The following AKR1C8 variants were observed in gnomAD, a reference collection of about 807,000 sequenced individuals.
AKR1C8 encodes the protein aldo-keto reductase family 1 member C-like protein 1.
At chr10:5,137,278 C>T in the AKR1C8 span, among the ~76,000 whole-genome samples, 5 of 151,984 alleles carry the variant, frequency 3.3e-5, no homozygotes, top group Admixed American at 2.6e-4. Flanking sequence ...GATACCAAAG[C>T]CTGGCAGAGA....
the AKR1C8 span, among the ~76,000 whole-genome samples, chr10:5,121,568 C>T: frequency 4.6e-5 from 7 of 151,928 alleles, no homozygotes; most frequent in East Asian, 1.2e-3. Context: ...AGGAGAAATG[C>T]CACTGGACTC....
the AKR1C8 span, among the ~76,000 whole-genome samples, chr10:5,150,356 T>C: frequency 4.6e-5 from 7 of 152,146 alleles, no homozygotes; most frequent in African/African-American, 1.7e-4. Flanking sequence ...GACAAAGGAA[T>C]ATTTTATGCC....
the AKR1C8 span, among the ~76,000 whole-genome samples, chr10:5,183,225 C>G: frequency 6.6e-6 from 1 of 152,008 alleles, no homozygotes; most frequent in Non-Finnish European, 1.5e-5. Context: ...GAACAATATT[C>G]TAGTTCTGAA....
chr10:5,141,813 T>C, the AKR1C8 span, among the ~76,000 whole-genome samples: 1 of 152,150 alleles, frequency 6.6e-6, no homozygotes, highest in Non-Finnish European at 1.5e-5. Flanking sequence ...AGCTATGCTG[T>C]AAGACAGCTT....
At chr10:5,139,224 C>A in the AKR1C8 span, among the ~76,000 whole-genome samples, 1 of 152,146 alleles carries the variant, frequency 6.6e-6, no homozygotes. Flanking sequence ...GGCCATACTG[C>A]CCAAGGTAAT....
At chr10:5,176,135 A>G in the AKR1C8 span, among the ~76,000 whole-genome samples, 1 of 151,784 alleles carries the variant, frequency 6.6e-6, no homozygotes, top group East Asian at 1.9e-4. Context: ...TCTTTAATCC[A>G]TCTTGAATTA....
the AKR1C8 span, among the ~76,000 whole-genome samples, chr10:5,146,493 CGA>C: frequency 6.6e-6 from 1 of 151,924 alleles, no homozygotes; most frequent in African/African-American, 2.4e-5. Flanking sequence ...CTAGATATCC[CGA>C]GAGAGAAGCT....
At chr10:5,122,607 C>T in the AKR1C8 span, among the ~76,000 whole-genome samples, 1 of 152,100 alleles carries the variant, frequency 6.6e-6, no homozygotes, top group Non-Finnish European at 1.5e-5. Flanking sequence ...AAGAAACCAA[C>T]CTAGACTTAA....
At chr10:5,183,672 C>T in the AKR1C8 span, among the ~76,000 whole-genome samples, 1 of 152,088 alleles carries the variant, frequency 6.6e-6, no homozygotes, top group South Asian at 2.1e-4. Context: ...TTAGGGACTC[C>T]ACTCCTGAGG....
chr10:5,162,110 T>A, the AKR1C8 span: 1 of 384,328 alleles, frequency 2.6e-6, no homozygotes. Context: ...ACTAAACATA[T>A]GTTACTCAGT....
the AKR1C8 span, among the ~76,000 whole-genome samples, chr10:5,125,913 A>C: frequency 6.6e-6 from 1 of 152,220 alleles, no homozygotes; most frequent in Non-Finnish European, 1.5e-5. Flanking sequence ...ATAGCAATCT[A>C]TCACTGTAGT....
At chr10:5,153,962 AC>A in the AKR1C8 span, among the ~76,000 whole-genome samples, 1 of 152,170 alleles carries the variant, frequency 6.6e-6, no homozygotes, top group African/African-American at 2.4e-5. Context: ...TATGGGTATT[AC>A]TTTAATAATC....
At chr10:5,138,578 A>G in the AKR1C8 span, among the ~76,000 whole-genome samples, 22 of 151,988 alleles carry the variant, frequency 1.4e-4, no homozygotes, top group African/African-American at 5.3e-4. Flanking sequence ...TCTTGAGGCG[A>G]TGTACATCCT....
chr10:5,121,183 T>A, the AKR1C8 span, among the ~76,000 whole-genome samples: 2 of 152,186 alleles, frequency 1.3e-5, no homozygotes, highest in African/African-American at 4.8e-5. Context: ...TCTTTGTGTT[T>A]GATTCCTCTT....
the AKR1C8 span, among the ~76,000 whole-genome samples, chr10:5,166,337 C>T: frequency 2.0e-5 from 3 of 152,246 alleles, no homozygotes; most frequent in East Asian, 1.9e-4. Flanking sequence ...CAAGTCAATC[C>T]TAAGCCAAAA....
chr10:5,157,362 A>G, the AKR1C8 span, among the ~76,000 whole-genome samples: 5 of 137,266 alleles, frequency 3.6e-5, no homozygotes, highest in African/African-American at 1.3e-4. Context: ...GTTCATTACC[A>G]TGTAGAAGAA....
the AKR1C8 span, among the ~76,000 whole-genome samples, chr10:5,129,246 C>G: frequency 1.3e-5 from 2 of 151,896 alleles, no homozygotes; most frequent in South Asian, 4.1e-4. Context: ...AATAGTGACA[C>G]AATGAAGACC....
chr10:5,139,532 C>T, the AKR1C8 span, among the ~76,000 whole-genome samples: 3 of 151,984 alleles, frequency 2.0e-5, no homozygotes, highest in Non-Finnish European at 4.4e-5. Context: ...ATAAACCTGA[C>T]AAAAACAAGA....
chr10:5,149,221 G>A, the AKR1C8 span, among the ~76,000 whole-genome samples: 3 of 152,116 alleles, frequency 2.0e-5, no homozygotes, highest in African/African-American at 4.8e-5. Flanking sequence ...ATGGACAAGT[G>A]TAGACTCTAA....
Sources: gnomAD v4.1 joint callset for allele counts (sites outside exome capture counted in the v4.1 genomes callset) on GRCh38, gnomAD v4.1.1 for gene constraint, MANE v1.5 for transcripts, NCBI Gene and HGNC (gene_info 2026-07-23, HGNC 2026-07-21) for gene names.